SHOC2: variants seen among roughly 807,000 people sequenced by gnomAD.
SHOC2 encodes leucine-rich repeat protein SHOC-2.
A neutral mutation model predicts 50.2 loss-of-function variants in SHOC2; 4 were observed. That is an observed-to-expected ratio of 0.08 (90% CI 0.04 to 0.18). The LOEUF is 0.18. SHOC2 is among the 10% of genes least tolerant of loss of function. The probability of loss-of-function intolerance (pLI) is 1.00; values close to 1 mark genes in which losing one functional copy is unlikely to be tolerated. For synonymous variants in SHOC2, 218 were observed against 244.5 expected (o/e 0.89, Z 1.01); for missense variants, 388 against 669.6 (o/e 0.58, Z 4.64).
intron 1 of SHOC2, among the ~76,000 whole-genome samples, chr10:110,920,404 GC>G (rs1357155875): frequency 1.3e-5 from 2 of 152,256 alleles, no homozygotes; most frequent in East Asian, 3.9e-4. Context: ...AGGCTTTGGG[GC>G]AAGACGATTT....
chr10:110,959,373 C>A (rs540596842), intron 1 of SHOC2, among the ~76,000 whole-genome samples: 2 of 152,240 alleles, frequency 1.3e-5, no homozygotes, highest in South Asian at 4.1e-4. Context: ...GGTATTTCAC[C>A]TAGTTATATA....
chr10:110,919,528 C>A (rs948379769), upstream of SHOC2: 1 of 78,622 alleles, frequency 1.3e-5, no homozygotes, highest in African/African-American at 2.2e-4. Flanking sequence ...AGTGGCGGGG[C>A]GGGCGGGGCG....
At chr10:110,987,377 T>G (rs1442634240) in intron 3 of SHOC2, among the ~76,000 whole-genome samples, 3 of 152,170 alleles carry the variant, frequency 2.0e-5, no homozygotes, top group African/African-American at 7.2e-5. Flanking sequence ...GGACAATTAT[T>G]TACAGAAAAG....
At chr10:110,967,113 A>G (rs1211165878) in intron 2 of SHOC2, among the ~76,000 whole-genome samples, 2 of 152,202 alleles carry the variant, frequency 1.3e-5, no homozygotes, top group Non-Finnish European at 2.9e-5. Flanking sequence ...AATACTATAC[A>G]TTGTTCTGTC....
intron 1 of SHOC2, among the ~76,000 whole-genome samples, chr10:110,959,042 A>T (rs1032454945): frequency 1.3e-5 from 2 of 152,214 alleles, no homozygotes; most frequent in African/African-American, 4.8e-5. Context: ...AAAATATTGT[A>T]CATTTTATAT....
rs1421004023 is a variant in SHOC2 at position 110,964,344 on chromosome 10, C to T, written c.-15C>T. On this transcript the variant is annotated 5_prime_UTR_variant, in exon 2 of 9. Coordinates refer to ENST00000369452, the MANE Select transcript of SHOC2 (RefSeq NM_007373.4). The surrounding 1 kb of genome is among the most constrained non-coding windows in gnomAD (Gnocchi z 4.9). Reference sequence around the variant, plus strand: ...AAAAGGAGTTCATGTAGTTTTTGTCCAGGCTTGAGTCACCATGAGTAGTAG... The same window carrying T: ...AAAAGGAGTTCATGTAGTTTTTGTCTAGGCTTGAGTCACCATGAGTAGTAG... 1.2e-6 allele frequency: 2 copies of T among 1,611,566 alleles called. No homozygotes were observed. Among genetic ancestry groups the T allele is most frequent in the African/African-American group, 2.7e-5 (2 of 74,778 alleles).
Position 111,011,805 on chromosome 10 carries a change from G to A in SHOC2, c.1736G>A (p.Arg579His), listed in dbSNP as rs1185910534. 1.9e-6 allele frequency: 3 copies of A among 1,613,158 alleles called. No individual in the cohort carries two copies. In the African/African-American group the frequency reaches 4.0e-5, roughly 22 times the overall value. The change falls in exon 9 of 9, where the codon CGT (arginine) becomes CAT (histidine). Residue 579 changes from arginine to histidine, a missense_variant. By Grantham distance (29) the Arg-to-His change is conservative. Coordinates refer to ENST00000369452, the MANE Select transcript of SHOC2 (RefSeq NM_007373.4). ...TTCTTAAAGATGCAGGGTCCATATC[G>A]TGCCATGGTCTGATATAAATCTGCT... ...IQFLKMQGPYRAMV is the reference protein window; with the variant it reads ...IQFLKMQGPYHAMV
intron 1 of SHOC2, among the ~76,000 whole-genome samples, chr10:110,955,595 C>A (rs1043717054): frequency 6.6e-6 from 1 of 152,112 alleles, no homozygotes; most frequent in Non-Finnish European, 1.5e-5. Flanking sequence ...TAAATTCATA[C>A]TTGCGGTATC....
At chr10:110,940,278 A>G (rs1418941005) in intron 1 of SHOC2, among the ~76,000 whole-genome samples, 1 of 152,040 alleles carries the variant, frequency 6.6e-6, no homozygotes, top group African/African-American at 2.4e-5. Flanking sequence ...CTTGGGGTTT[A>G]TGTGTCTAAT....
intron 3 of SHOC2, among the ~76,000 whole-genome samples, chr10:110,999,736 C>CAAAAAAAAAAAAAAA (rs145780250): frequency 4.9e-5 from 4 of 81,682 alleles, no homozygotes; most frequent in African/African-American, 1.6e-4. Context: ...GACTCAGTCT[C>CAAAAAAAAAAAAAAA]AAAAAAAAAA....
chr10:110,958,317 G>A (rs971609911), intron 1 of SHOC2, among the ~76,000 whole-genome samples: 2 of 151,760 alleles, frequency 1.3e-5, no homozygotes, highest in Non-Finnish European at 2.9e-5. Context: ...CAGTTCAAGC[G>A]ATTCTTCTGC....
rs946634032 is a variant in SHOC2 at position 110,964,294 on chromosome 10, T to C, written c.-65T>C. On this transcript the variant is annotated 5_prime_UTR_variant, in exon 2 of 9. Coordinates refer to ENST00000369452, the MANE Select transcript of SHOC2 (RefSeq NM_007373.4). This position sits in a 1 kb window ranked among gnomAD's most constrained non-coding sequence, Gnocchi z 4.9. ...ATTGTGTAGGATCTTTGTCTCTTCA[T>C]CTTTGAATTCAATTACTGGAAAATA... 3 of 1,572,276 alleles carry C rather than the reference T, an allele frequency of 1.9e-6. No homozygotes were observed. The highest frequency in any genetic ancestry group is 2.7e-5 in the African/African-American group (2 of 73,380).
At chr10:110,981,843 CTTATTTATTTAT>C (rs1554859788) in intron 2 of SHOC2, among the ~76,000 whole-genome samples, 6 of 125,858 alleles carry the variant, frequency 4.8e-5, no homozygotes, top group African/African-American at 2.0e-4. Context: ...ATTCAGTTTT[CTTATTTATTTAT>C]TTATTTATTT....
intron 1 of SHOC2, among the ~76,000 whole-genome samples, chr10:110,937,816 C>G (rs1464513106): frequency 1.3e-5 from 2 of 152,104 alleles, no homozygotes; most frequent in African/African-American, 2.4e-5. Flanking sequence ...GTTATGAAGT[C>G]TTGTGCATTA....
intron 2 of SHOC2, among the ~76,000 whole-genome samples, chr10:110,983,119 A>G (rs73345916): frequency 0.022 from 3,374 of 152,220 alleles, 122 homozygotes; most frequent in African/African-American, 0.076. Flanking sequence ...TTTTAATTAC[A>G]AAGATTTTTG....
chr10:111,010,387 A>G (rs1029917730), intron 8 of SHOC2, among the ~76,000 whole-genome samples: 10 of 152,162 alleles, frequency 6.6e-5, no homozygotes, highest in Non-Finnish European at 8.8e-5. Flanking sequence ...TAGTAATTCT[A>G]TGCATTAATG....
chr10:110,974,151 A>G (rs1455902118), intron 2 of SHOC2, among the ~76,000 whole-genome samples: 1 of 151,830 alleles, frequency 6.6e-6, no homozygotes, highest in Non-Finnish European at 1.5e-5. Context: ...ATAGCTAGAA[A>G]TTTCCCTCAA....
intron 1 of SHOC2, among the ~76,000 whole-genome samples, chr10:110,930,345 TTTTG>T (rs554932820): frequency 6.2e-4 from 95 of 152,242 alleles, no homozygotes; most frequent in African/African-American, 2.2e-3. Flanking sequence ...GCGCATTTAT[TTTTG>T]TTTTTTTTCT....
At chr10:110,984,340 T>G (rs1274001656) in intron 2 of SHOC2, among the ~76,000 whole-genome samples, 1 of 152,176 alleles carries the variant, frequency 6.6e-6, no homozygotes, top group Non-Finnish European at 1.5e-5. Flanking sequence ...TAAAATTGGC[T>G]TCTTTGAGGT....
Sources: gnomAD v4.1 joint callset for allele counts (sites outside exome capture counted in the v4.1 genomes callset) on GRCh38, gnomAD v4.1.1 for gene constraint, Gnocchi (gnomAD v3.1) non-coding constraint, MANE v1.5 for transcripts, NCBI Gene and HGNC (gene_info 2026-07-23, HGNC 2026-07-21) for gene names.